The following VWA3B variants were observed in gnomAD, a reference collection of about 807,000 sequenced individuals.
VWA3B encodes von Willebrand factor A domain-containing protein 3B.
A neutral mutation model predicts 158.3 loss-of-function variants in VWA3B; 138 were observed. The ratio of observed to expected loss-of-function variants is 0.87; its 90% confidence interval spans 0.76 to 1.00. VWA3B has a LOEUF of 1.00. Ranked by LOEUF, VWA3B falls within the 50% of genes least tolerant of loss-of-function variation. The probability of loss-of-function intolerance (pLI) is 0.00; values close to 1 mark genes in which losing one functional copy is unlikely to be tolerated. For missense variants in VWA3B, 1,555 were observed against 1,565.1 expected (o/e 0.99, Z 0.11); for synonymous variants, 596 against 587.3 (o/e 1.01, Z -0.21).
chr2:98,127,509 C>T (rs904547466), intron 5 of VWA3B, among the ~76,000 whole-genome samples: 3 of 140,890 alleles, frequency 2.1e-5, no homozygotes, highest in Admixed American at 1.6e-4. Flanking sequence ...GCAGCTGGCA[C>T]TTCTCTGGGA....
intron 2 of VWA3B, among the ~76,000 whole-genome samples, chr2:98,094,195 T>A (rs1198763125): frequency 1.3e-5 from 2 of 152,236 alleles, no homozygotes; most frequent in Non-Finnish European, 2.9e-5. Flanking sequence ...TAGTTCTATT[T>A]TTAGCGTTTT....
intron 8 of VWA3B, among the ~76,000 whole-genome samples, chr2:98,163,452 G>A (rs1172136042): frequency 6.6e-6 from 1 of 152,076 alleles, no homozygotes; most frequent in African/African-American, 2.4e-5. Flanking sequence ...GCAGGAGAAT[G>A]GCTTGAACCC....
At chr2:98,285,720 G>T (rs1198693759) in intron 22 of VWA3B, among the ~76,000 whole-genome samples, 1 of 150,290 alleles carries the variant, frequency 6.7e-6, no homozygotes, top group Non-Finnish European at 1.5e-5. Context: ...TTTTTGGGGG[G>T]TCATCTGTGT....
At chr2:98,169,932 G>A (rs1370027674) in intron 8 of VWA3B, among the ~76,000 whole-genome samples, 7 of 151,972 alleles carry the variant, frequency 4.6e-5, no homozygotes, top group Admixed American at 4.6e-4. Context: ...CATCCTGGGC[G>A]ACATGGCAAA....
At chr2:98,171,659 G>A (rs988249192) in intron 8 of VWA3B, among the ~76,000 whole-genome samples, 3 of 151,984 alleles carry the variant, frequency 2.0e-5, no homozygotes, top group African/African-American at 7.3e-5. Flanking sequence ...GCAGGGGAAT[G>A]CTAAGATCAG....
At chr2:98,320,042 CT>C in the VWA3B span, among the ~76,000 whole-genome samples, 1 of 152,180 alleles carries the variant, frequency 6.6e-6, no homozygotes, top group Non-Finnish European at 1.5e-5. Context: ...CCACCCAAAT[CT>C]CATCTTGAAT....
intron 19 of VWA3B, among the ~76,000 whole-genome samples, chr2:98,240,776 A>G (rs540307611): frequency 1.3e-5 from 2 of 152,294 alleles, no homozygotes; most frequent in African/African-American, 4.8e-5. Context: ...TTTTTCTCTG[A>G]GATGTATGTG....
chr2:98,197,508 T>C (rs149396869), intron 12 of VWA3B, among the ~76,000 whole-genome samples: 37 of 152,344 alleles, frequency 2.4e-4, no homozygotes, highest in East Asian at 7.7e-4. Context: ...CAACAATTAT[T>C]ACTGAGCTGA....
chr2:98,278,577 T>C (rs551781707), intron 22 of VWA3B, among the ~76,000 whole-genome samples: 63 of 150,774 alleles, frequency 4.2e-4, no homozygotes, highest in Non-Finnish European at 5.1e-4. Flanking sequence ...AGTGGGAAGG[T>C]GGTCTTCCCC....
intron 2 of VWA3B, among the ~76,000 whole-genome samples, chr2:98,102,666 G>C (rs1006964718): frequency 1.3e-5 from 2 of 152,222 alleles, no homozygotes; most frequent in African/African-American, 2.4e-5. Context: ...GTTCGTAAGA[G>C]ATATTGCTCC....
At chr2:98,301,376 G>A (rs1226620074) in intron 25 of VWA3B, among the ~76,000 whole-genome samples, 1 of 151,826 alleles carries the variant, frequency 6.6e-6, no homozygotes, top group East Asian at 1.9e-4. Flanking sequence ...TGTCTGACCT[G>A]AGCAGGTTGC....
intron 2 of VWA3B, among the ~76,000 whole-genome samples, chr2:98,096,945 GTTTATTTGAGATATA>G: frequency 6.6e-6 from 1 of 152,040 alleles, no homozygotes; most frequent in African/African-American, 2.4e-5. Flanking sequence ...ACATTGGGTT[GTTTATTTGAGATATA>G]TTTGAGATAT....
intron 12 of VWA3B, among the ~76,000 whole-genome samples, chr2:98,200,402 C>T (rs1407919369): frequency 6.6e-6 from 1 of 151,958 alleles, no homozygotes; most frequent in Non-Finnish European, 1.5e-5. Context: ...ATAAGCCAGG[C>T]GTGGTGGCAG....
chr2:98,267,183 T>C (rs1250283206), intron 21 of VWA3B, among the ~76,000 whole-genome samples: 1 of 148,830 alleles, frequency 6.7e-6, no homozygotes, highest in Non-Finnish European at 1.5e-5. Flanking sequence ...GGCTGTGGGT[T>C]TGTCATAGAT....
chr2:98,087,720 A>T (rs1681967191), intron 1 of VWA3B, among the ~76,000 whole-genome samples: 1 of 152,216 alleles, frequency 6.6e-6, no homozygotes, highest in Non-Finnish European at 1.5e-5. Flanking sequence ...TTTGGAGGGA[A>T]CATGGGAACC....
intron 12 of VWA3B, chr2:98,207,183 GA>G: frequency 3.6e-6 from 2 of 550,612 alleles, no homozygotes; most frequent in Non-Finnish European, 7.3e-6. Context: ...TGTGGGGAAA[GA>G]ATTGCCACTA....
At chr2:98,263,680 G>A (rs572499983) in intron 21 of VWA3B, among the ~76,000 whole-genome samples, 5 of 152,062 alleles carry the variant, frequency 3.3e-5, no homozygotes, top group African/African-American at 9.6e-5. Context: ...GTTCACCAGG[G>A]ACATTGGTCT....
chr2:98,195,317 T>G (rs1401401428), intron 12 of VWA3B, among the ~76,000 whole-genome samples: 1 of 152,168 alleles, frequency 6.6e-6, no homozygotes, highest in Non-Finnish European at 1.5e-5. Context: ...CAGAAACATC[T>G]TTAAAGTAGT....
chr2:98,287,614 A>C (rs1206043477), intron 22 of VWA3B, among the ~76,000 whole-genome samples: 1 of 152,194 alleles, frequency 6.6e-6, no homozygotes, highest in African/African-American at 2.4e-5. Context: ...AGTCAAAATG[A>C]TGCTAATAGT....
Sources: gnomAD v4.1 joint callset for allele counts (sites outside exome capture counted in the v4.1 genomes callset) on GRCh38, gnomAD v4.1.1 for gene constraint, MANE v1.5 for transcripts, NCBI Gene and HGNC (gene_info 2026-07-23, HGNC 2026-07-21) for gene names.